Variants in TESC observed in about 807,000 individuals in gnomAD.
TESC encodes tescalcin.
A neutral mutation model predicts 31.0 loss-of-function variants in TESC; 19 were observed. The observed-to-expected ratio is 0.61, with a 90% CI of 0.43 to 0.90. The LOEUF is 0.90. Among genes scored for constraint, TESC ranks in the 40% least tolerant of loss-of-function variants. The pLI, the probability that TESC is intolerant of heterozygous loss-of-function variation, is 0.00. For synonymous variants in TESC, 109 were observed against 114.8 expected (o/e 0.95, Z 0.32); for missense variants, 248 against 303.8 (o/e 0.82, Z 1.36).
At chr12:117,085,211 G>T (rs1232294107) in intron 1 of TESC, among the ~76,000 whole-genome samples, 1 of 152,192 alleles carries the variant, frequency 6.6e-6, no homozygotes, top group Non-Finnish European at 1.5e-5. Context: ...GGGCTCTTCA[G>T]TGTGGGTAGA....
At chr12:117,079,423 G>C (rs900757998) in intron 1 of TESC, among the ~76,000 whole-genome samples, 1 of 152,102 alleles carries the variant, frequency 6.6e-6, no homozygotes, top group Non-Finnish European at 1.5e-5. Context: ...CTAGCCGAGA[G>C]TGGTGGCAGG....
intron 3 of TESC, among the ~76,000 whole-genome samples, chr12:117,051,975 A>AT (rs1413995288): frequency 6.6e-6 from 1 of 152,160 alleles, no homozygotes; most frequent in Non-Finnish European, 1.5e-5. Flanking sequence ...AGATCTCGCT[A>AT]TATTGCCCAG....
chr12:117,055,996 C>T (rs1954718015), intron 3 of TESC, among the ~76,000 whole-genome samples: 1 of 149,048 alleles, frequency 6.7e-6, no homozygotes, highest in African/African-American at 2.5e-5. Flanking sequence ...TCTCGGCTCA[C>T]TGCAACGTCC....
chr12:117,059,028 T>G (rs147727174), intron 2 of TESC, among the ~76,000 whole-genome samples: 5 of 152,222 alleles, frequency 3.3e-5, no homozygotes, highest in African/African-American at 1.2e-4. Context: ...AGGCTGGTGA[T>G]CCTAGGGAAA....
intron 4 of TESC, among the ~76,000 whole-genome samples, chr12:117,048,403 G>T: frequency 6.6e-6 from 1 of 152,186 alleles, no homozygotes; most frequent in Non-Finnish European, 1.5e-5. Flanking sequence ...GCTGACCTGG[G>T]GCGGGACACA....
rs1955057870 is a variant in TESC, at chr12:117,075,895, A to ATATATATATGTGTG, written c.59-556_59-555insCACACATATATATA. On this transcript the variant is annotated intron_variant, in intron 1 of 7. Transcript: ENST00000335209. ...TGTGTGTATATATATATATATATATATATATATATATATATATATGTGTGT... is the reference window on the plus strand; with the variant it reads ...TGTGTGTATATATATATATATATATATATATATATGTGTGTATATATATATATATATATGTGTGT... Among the ~76,000 whole-genome samples, 4 of 83,054 alleles carry ATATATATATGTGTG rather than the reference A, an allele frequency of 4.8e-5. 1 individual carries two copies. Among genetic ancestry groups the ATATATATATGTGTG allele is most frequent in the African/African-American group, 2.8e-4 (4 of 14,040 alleles). The allele number at this position is 83,054 out of a possible 152,430, so 54.5% of individuals were successfully genotyped here.
rs377631081 is a variant in TESC, at chr12:117,039,126, C to T, written c.*7G>A. On this transcript the variant is annotated 3_prime_UTR_variant, in exon 8 of 8. Transcript: ENST00000335209. ...AAGTGCAGTTTCTCCGCGGAGGTGG[C>T]GGTGGGTCAGTGGCAGAGGGCCATG... 1.1e-5 allele frequency: 18 copies of T among 1,613,660 alleles called. No homozygotes were observed. Among genetic ancestry groups the T allele is most frequent in the East Asian group, 4.5e-5 (2 of 44,860 alleles).
chr12:117,097,003 C>T (rs1053675574), intron 1 of TESC, among the ~76,000 whole-genome samples: 3 of 152,206 alleles, frequency 2.0e-5, no homozygotes, highest in Admixed American at 1.3e-4. Flanking sequence ...CCCTGCTATG[C>T]CTCGTTCACA....
In TESC at chr12:117,046,550, G is replaced by A; in HGVS notation, c.519+9C>T. 1.3e-6 allele frequency: 2 copies of A among 1,547,118 alleles called. No individual in the cohort carries two copies. The highest frequency in any genetic ancestry group is 1.7e-6 in the Non-Finnish European group (2 of 1,144,714). On this transcript the variant is annotated intron_variant, in intron 6 of 7. Coordinates refer to ENST00000335209, the MANE Select transcript of TESC (RefSeq NM_017899.4). ...CTGCGCGTCTCGGGAGGGCTGCAGG[G>A]GCGCTCACCATCTGCCCCATGCACA...
At chr12:117,087,833 A>C (rs894457711) in intron 1 of TESC, among the ~76,000 whole-genome samples, 1 of 152,074 alleles carries the variant, frequency 6.6e-6, no homozygotes, top group African/African-American at 2.4e-5. Flanking sequence ...ACAGAGCGAG[A>C]CTCTGTCTCA....
chr12:117,082,329 C>T (rs1373118427), intron 1 of TESC, among the ~76,000 whole-genome samples: 5 of 151,990 alleles, frequency 3.3e-5, no homozygotes, highest in Admixed American at 2.0e-4. Context: ...TGTGGTAAAA[C>T]CCCATCTCTA....
chr12:117,040,686 C>A (rs1954468907), intron 7 of TESC, among the ~76,000 whole-genome samples: 1 of 152,228 alleles, frequency 6.6e-6, no homozygotes, highest in Non-Finnish European at 1.5e-5. Context: ...GCCCTGCCAG[C>A]CCCGGGGTGG....
At chr12:117,081,425 G>A (rs540822179) in intron 1 of TESC, among the ~76,000 whole-genome samples, 1 of 152,256 alleles carries the variant, frequency 6.6e-6, no homozygotes, top group Admixed American at 6.5e-5. Context: ...ATTACATAAT[G>A]TAATTACATT....
At chr12:117,048,244 G>A (rs114640887) in intron 4 of TESC, among the ~76,000 whole-genome samples, 2,556 of 152,300 alleles carry the variant, frequency 0.017, 75 homozygotes, top group African/African-American at 0.055. Context: ...ACCTGAGTCC[G>A]TCCTGTTCCA....
chr12:117,065,887 T>G (rs1195543445), intron 2 of TESC, among the ~76,000 whole-genome samples: 1 of 151,972 alleles, frequency 6.6e-6, no homozygotes, highest in Admixed American at 6.6e-5. Flanking sequence ...AACAAAAAAG[T>G]AGGAGCTAAC....
intron 1 of TESC, 120 bp from the exon 2 acceptor site, chr12:117,075,460 A>T (rs1410045500): frequency 2.0e-6 from 2 of 1,002,388 alleles, no homozygotes; most frequent in Non-Finnish European, 2.9e-6. Context: ...TTCTCAAAGC[A>T]TCTCCCACCA....
At chr12:117,092,729 G>A (rs1955330142) in intron 1 of TESC, among the ~76,000 whole-genome samples, 1 of 152,250 alleles carries the variant, frequency 6.6e-6, no homozygotes, top group African/African-American at 2.4e-5. Context: ...CTTGGAGTTA[G>A]AGGCTGCAGT....
At chr12:117,061,049 G>A (rs935147217) in intron 2 of TESC, among the ~76,000 whole-genome samples, 16 of 152,190 alleles carry the variant, frequency 1.1e-4, no homozygotes, top group African/African-American at 3.6e-4. Context: ...TGCTACCTGG[G>A]TCAAACGGCG....
intron 1 of TESC, among the ~76,000 whole-genome samples, chr12:117,086,933 G>A (rs913204613): frequency 2.0e-5 from 3 of 152,156 alleles, no homozygotes; most frequent in Admixed American, 2.0e-4. Context: ...CACCAGGGAC[G>A]CAGCAACTTG....
Sources: gnomAD v4.1 joint callset for allele counts (sites outside exome capture counted in the v4.1 genomes callset) on GRCh38, gnomAD v4.1.1 for gene constraint, MANE v1.5 for transcripts, NCBI Gene and HGNC (gene_info 2026-07-23, HGNC 2026-07-21) for gene names.